Variants in PDE10A observed in about 807,000 individuals in gnomAD.
The protein encoded by PDE10A is cAMP and cAMP-inhibited cGMP 3',5'-cyclic phosphodiesterase 10A.
PDE10A carries 39 observed loss-of-function variants against 97.7 expected under a neutral mutation model. That is an observed-to-expected ratio of 0.40 (90% CI 0.31 to 0.52). The LOEUF is 0.52. Ranked by LOEUF, PDE10A falls within the 20% of genes least tolerant of loss-of-function variation. The pLI is 0.56. For synonymous variants in PDE10A, 371 were observed against 376.8 expected (o/e 0.98, Z 0.18); for missense variants, 731 against 1,047.8 (o/e 0.70, Z 4.17).
intron 16 of PDE10A, among the ~76,000 whole-genome samples, chr6:165,389,387 G>A (rs1441694915): frequency 1.3e-5 from 2 of 152,168 alleles, no homozygotes; most frequent in Admixed American, 1.3e-4. Flanking sequence ...AACAGTGAAA[G>A]CTTCTATGGG....
intron 18 of PDE10A, among the ~76,000 whole-genome samples, chr6:165,362,897 G>A (rs1783517678): frequency 6.6e-6 from 1 of 152,114 alleles, no homozygotes; most frequent in Non-Finnish European, 1.5e-5. Flanking sequence ...GGAATGCAAG[G>A]TTGGTTTAAC....
At chr6:165,829,532 T>C (rs1166395766) in intron 1 of PDE10A, among the ~76,000 whole-genome samples, 5 of 152,174 alleles carry the variant, frequency 3.3e-5, no homozygotes, top group Non-Finnish European at 5.9e-5. Flanking sequence ...GGGAGGAGCA[T>C]GCTTCGCCAT....
chr6:165,632,603 A>T (rs995530997), intron 1 of PDE10A, among the ~76,000 whole-genome samples: 1 of 152,212 alleles, frequency 6.6e-6, no homozygotes, highest in African/African-American at 2.4e-5. Flanking sequence ...CAATCCCTGC[A>T]GTTCAAAATA....
intron 1 of PDE10A, among the ~76,000 whole-genome samples, chr6:165,863,042 T>C (rs931463535): frequency 6.6e-6 from 1 of 152,230 alleles, no homozygotes; most frequent in Non-Finnish European, 1.5e-5. Flanking sequence ...GAATAATCTC[T>C]ACAGTGCCTT....
chr6:165,866,165 A>T (rs1781038075), intron 1 of PDE10A, among the ~76,000 whole-genome samples: 1 of 152,198 alleles, frequency 6.6e-6, no homozygotes, highest in South Asian at 2.1e-4. Context: ...ATAAGACCCA[A>T]GTATATGTTT....
intron 18 of PDE10A, among the ~76,000 whole-genome samples, chr6:165,352,640 T>A (rs1222977153): frequency 6.6e-6 from 1 of 151,432 alleles, no homozygotes; most frequent in African/African-American, 2.4e-5. Flanking sequence ...CAACTGGACA[T>A]CTGCATGAAA....
chr6:165,654,627 T>C lies in PDE10A; in HGVS notation c.865+7320A>G, dbSNP rs567865455. ...TTCCTATTTCATCAAGCTCCTTTTC[T>C]TCAGCAAATCAACATTCCCAAGTCA... On this transcript the variant is annotated intron_variant, in intron 1 of 21. Coordinates refer to ENST00000539869, the MANE Select transcript of PDE10A (RefSeq NM_001385079.1). Among the ~76,000 whole-genome samples the C allele has an allele frequency of 2.5e-4, 38 of 152,186 alleles. 1 individual carries two copies. Among genetic ancestry groups the C allele is most frequent in the African/African-American group, 8.4e-4 (35 of 41,446 alleles).
At chr6:165,658,786 TGAG>T (rs1790091144) in intron 1 of PDE10A, among the ~76,000 whole-genome samples, 1 of 152,106 alleles carries the variant, frequency 6.6e-6, no homozygotes, top group South Asian at 2.1e-4. Context: ...GCTGGGTGCC[TGAG>T]GAGGAGGCCA....
In PDE10A at chr6:165,418,243, C is replaced by A. The variant is rs141431832; in HGVS notation, c.1796+392G>T. 9.9e-4 allele frequency among the ~76,000 whole-genome samples: 151 copies of A among 152,270 alleles called. No homozygotes were observed. The highest frequency in any genetic ancestry group is 3.4e-3 in the African/African-American group (141 of 41,556). ...TCAATTTCTACTACTGTCTGGACTG[C>A]GAGACAGGCCACCGGTTGGGAAGAA... is the stretch of plus-strand genomic sequence containing the variant. On this transcript the variant is annotated intron_variant, in intron 11 of 21. Coordinates refer to ENST00000539869, the MANE Select transcript of PDE10A (RefSeq NM_001385079.1). The surrounding 1 kb of genome is among the most constrained non-coding windows in gnomAD (Gnocchi z 4.8).
chr6:165,832,304 C>T (rs566235470), intron 1 of PDE10A, among the ~76,000 whole-genome samples: 2 of 151,952 alleles, frequency 1.3e-5, no homozygotes, highest in Admixed American at 6.5e-5. Context: ...ACGAAACAGC[C>T]GCTCTCATTC....
intron 1 of PDE10A, among the ~76,000 whole-genome samples, chr6:165,900,923 G>A (rs1583257139): frequency 6.6e-6 from 1 of 152,312 alleles, no homozygotes; most frequent in South Asian, 2.1e-4. Context: ...CCAGGAGCAA[G>A]TTTGTGTTTA....
chr6:165,706,815 T>C (rs1411945394), intron 1 of PDE10A, among the ~76,000 whole-genome samples: 1 of 152,192 alleles, frequency 6.6e-6, no homozygotes, highest in Non-Finnish European at 1.5e-5. Flanking sequence ...CGTGGTTTCA[T>C]TCAAAGAAAA....
chr6:165,808,246 C>A (rs1010723834), intron 1 of PDE10A, among the ~76,000 whole-genome samples: 4 of 152,184 alleles, frequency 2.6e-5, no homozygotes, highest in Non-Finnish European at 5.9e-5. Context: ...AGCTTGTGAG[C>A]ATGTGATCTT....
chr6:165,797,250 C>T (rs570364735), intron 1 of PDE10A, among the ~76,000 whole-genome samples: 58 of 152,278 alleles, frequency 3.8e-4, no homozygotes, highest in African/African-American at 1.3e-3. Context: ...TGGCTACTGG[C>T]GATCCTTCAA....
At chr6:165,835,125 C>T (rs776830142) in intron 1 of PDE10A, among the ~76,000 whole-genome samples, 8 of 152,114 alleles carry the variant, frequency 5.3e-5, no homozygotes, top group Non-Finnish European at 8.8e-5. Flanking sequence ...GGGGAAGGGC[C>T]GTCCTCGGAT....
intron 1 of PDE10A, among the ~76,000 whole-genome samples, chr6:165,972,790 C>A (rs142365591): frequency 6.6e-6 from 1 of 152,190 alleles, no homozygotes; most frequent in Non-Finnish European, 1.5e-5. Context: ...GGCATTGGTG[C>A]TCTGTTTATT....
intron 1 of PDE10A, among the ~76,000 whole-genome samples, chr6:165,713,682 C>T (rs574719241): frequency 1.2e-4 from 19 of 152,306 alleles, no homozygotes; most frequent in Admixed American, 4.6e-4. Flanking sequence ...CGATCCAGTC[C>T]TCTCTATCAG....
chr6:165,914,657 G>A (rs561955550), intron 1 of PDE10A, among the ~76,000 whole-genome samples: 10 of 152,260 alleles, frequency 6.6e-5, no homozygotes, highest in African/African-American at 2.2e-4. Flanking sequence ...AACCATCCTC[G>A]GGCAGTTCTT....
chr6:165,979,416 C>T (rs1784944368), intron 1 of PDE10A, among the ~76,000 whole-genome samples: 2 of 152,328 alleles, frequency 1.3e-5, no homozygotes, highest in Non-Finnish European at 2.9e-5. Flanking sequence ...CAAATATGTG[C>T]TGCTGTGGCA....
Sources: allele counts gnomAD v4.1 joint callset (sites outside exome capture counted in the v4.1 genomes callset), GRCh38; gene constraint gnomAD v4.1.1; non-coding constraint Gnocchi (gnomAD v3.1); transcripts MANE v1.5; gene names NCBI Gene and HGNC (gene_info 2026-07-23, HGNC 2026-07-21).